EYA4: variants seen among roughly 807,000 people sequenced by gnomAD.
EYA4 encodes the protein EYA transcriptional coactivator and phosphatase 4.
EYA4 carries 31 observed loss-of-function variants against 87.9 expected under a neutral mutation model. The ratio of observed to expected loss-of-function variants is 0.35; its 90% CI spans 0.27 to 0.48. The LOEUF is 0.48. Among genes scored for constraint, EYA4 ranks in the 20% least tolerant of loss-of-function variants. EYA4 has a pLI of 0.99. For synonymous variants in EYA4, 263 were observed against 270.6 expected (o/e 0.97, Z 0.28); for missense variants, 678 against 761.4 (o/e 0.89, Z 1.29).
intron 2 of EYA4, among the ~76,000 whole-genome samples, chr6:133,285,753 C>T (rs988522858): frequency 1.3e-5 from 2 of 152,084 alleles, no homozygotes; most frequent in African/African-American, 4.8e-5. Flanking sequence ...TAAGTCGTTG[C>T]ATTGGGGTTA....
intron 3 of EYA4, among the ~76,000 whole-genome samples, chr6:133,444,369 G>T (rs891859767): frequency 6.6e-6 from 1 of 151,922 alleles, no homozygotes; most frequent in Non-Finnish European, 1.5e-5. Context: ...AATTATCTGC[G>T]TGGTATATCA....
At chr6:133,303,783 A>G (rs1442494243) in intron 2 of EYA4, among the ~76,000 whole-genome samples, 1 of 152,196 alleles carries the variant, frequency 6.6e-6, no homozygotes, top group African/African-American at 2.4e-5. Context: ...CACTTGATTC[A>G]TGCCATCTTT....
chr6:133,530,167 C>T lies in EYA4; in HGVS notation c.*1362C>T, dbSNP rs1324654597. On this transcript the variant is annotated 3_prime_UTR_variant, in exon 20 of 20. Transcript: ENST00000355286. ...TAGCAAGTGCGCTGGATCTTGGCAG[C>T]GCTGCTGAAATGACAACAGTAAAAT... 31 of 985,134 alleles carry T rather than the reference C, an allele frequency of 3.1e-5. No homozygotes were observed. The highest frequency in any genetic ancestry group is 1.2e-4 in the Admixed American group (2 of 16,266). 61.0% of individuals were successfully genotyped at this position (985,134 alleles called of 1,614,324 possible).
chr6:133,308,247 T>C (rs1206731704), intron 2 of EYA4, among the ~76,000 whole-genome samples: 3 of 152,210 alleles, frequency 2.0e-5, no homozygotes, highest in African/African-American at 4.8e-5. Context: ...TTAACTTTCA[T>C]GGCAATGCAG....
intron 11 of EYA4, among the ~76,000 whole-genome samples, chr6:133,469,624 G>T (rs969824061): frequency 1.3e-5 from 2 of 151,804 alleles, no homozygotes; most frequent in African/African-American, 4.8e-5. Context: ...AACAAATGGT[G>T]CTAGAACAAT....
At chr6:133,312,211 G>C (rs1248283581) in intron 2 of EYA4, among the ~76,000 whole-genome samples, 1 of 152,138 alleles carries the variant, frequency 6.6e-6, no homozygotes, top group Non-Finnish European at 1.5e-5. Context: ...AGGAGCATTG[G>C]CGGTTACCTG....
chr6:133,467,747 G>T (rs1794974990), intron 10 of EYA4, among the ~76,000 whole-genome samples: 2 of 151,638 alleles, frequency 1.3e-5, no homozygotes, highest in African/African-American at 4.8e-5. Flanking sequence ...GATGACCAAG[G>T]ATTTGTCATC....
Position 133,529,895 on chromosome 6 carries a change from T to A in EYA4, c.*1090T>A. ...AGACTTTTGATATGTGTAAGTTGCA[T>A]AGAGGAGGATATTATCATGCAAATC... is the stretch of plus-strand genomic sequence containing the variant. On this transcript the variant is annotated 3_prime_UTR_variant, in exon 20 of 20. Coordinates refer to ENST00000355286, the MANE Select transcript of EYA4 (RefSeq NM_004100.5). The A allele has an allele frequency of 1.0e-6, 1 of 985,332 alleles. No individual in the cohort carries two copies. The highest frequency in any genetic ancestry group is 4.7e-5 in the South Asian group (1 of 21,286). The allele number at this position is 985,332 out of a possible 1,614,324, so 61.0% of individuals were successfully genotyped here.
chr6:133,444,630 A>C (rs1384498753), intron 3 of EYA4, among the ~76,000 whole-genome samples: 1 of 152,122 alleles, frequency 6.6e-6, no homozygotes, highest in Non-Finnish European at 1.5e-5. Context: ...GGGAATAGTC[A>C]TTTTACCCCT....
At chr6:133,309,428 G>A (rs1780049534) in intron 2 of EYA4, among the ~76,000 whole-genome samples, 1 of 152,040 alleles carries the variant, frequency 6.6e-6, no homozygotes, top group Non-Finnish European at 1.5e-5. Context: ...AGGCAGTTAT[G>A]GCTTCTTATA....
At chr6:133,516,802 A>G (rs1799640428) in intron 17 of EYA4, among the ~76,000 whole-genome samples, 1 of 151,912 alleles carries the variant, frequency 6.6e-6, no homozygotes, top group African/African-American at 2.4e-5. Flanking sequence ...TTTGTTAAGG[A>G]TAATGGCCTC....
chr6:133,304,500 G>A (rs1417667842), intron 2 of EYA4, among the ~76,000 whole-genome samples: 1 of 152,180 alleles, frequency 6.6e-6, no homozygotes, highest in African/African-American at 2.4e-5. Context: ...TAACAGAGGT[G>A]GGTGAGACAA....
intron 1 of EYA4, among the ~76,000 whole-genome samples, chr6:133,263,260 C>T (rs994804600): frequency 6.6e-6 from 1 of 152,040 alleles, no homozygotes; most frequent in African/African-American, 2.4e-5. Flanking sequence ...AATTGAAGGC[C>T]GTGAAGATAG....
chr6:133,496,519 C>T (rs1226857440), intron 13 of EYA4, among the ~76,000 whole-genome samples: 1 of 152,136 alleles, frequency 6.6e-6, no homozygotes, highest in Non-Finnish European at 1.5e-5. Flanking sequence ...TTCTTGGTCA[C>T]CATGAAAGGT....
chr6:133,474,308 C>T (rs1795535881), intron 11 of EYA4, among the ~76,000 whole-genome samples: 1 of 152,002 alleles, frequency 6.6e-6, no homozygotes, highest in African/African-American at 2.4e-5. Flanking sequence ...GAAAGCTTCT[C>T]TGCAGGAAAA....
chr6:133,298,698 G>A lies in EYA4; in HGVS notation c.33+23885G>A, dbSNP rs187665252. On this transcript the variant is annotated intron_variant, in intron 2 of 19. Transcript: ENST00000355286. Reference sequence around the variant, plus strand: ...AAGCATAGTTGTGAGAAATAAGTGTGTGGATTTATATAAAGTGCTCACAGC... The same window carrying A: ...AAGCATAGTTGTGAGAAATAAGTGTATGGATTTATATAAAGTGCTCACAGC... 2.2e-3 allele frequency among the ~76,000 whole-genome samples: 335 copies of A among 152,302 alleles called. 1 individual carries two copies. The highest frequency in any genetic ancestry group is 3.3e-3 in the Non-Finnish European group (222 of 68,024).
At chr6:133,252,933 G>A (rs1582750624) in intron 1 of EYA4, among the ~76,000 whole-genome samples, 1 of 143,620 alleles carries the variant, frequency 7.0e-6, no homozygotes, top group East Asian at 2.1e-4. Context: ...CAGGGTAGAG[G>A]TACTTGAAAA....
At chr6:133,274,250 T>A (rs1419754893) in intron 1 of EYA4, among the ~76,000 whole-genome samples, 1 of 152,190 alleles carries the variant, frequency 6.6e-6, no homozygotes, top group Admixed American at 6.5e-5. Flanking sequence ...TGAAGAGTAA[T>A]TATTTTTCAG....
At chr6:133,373,341 A>T (rs1374947312) in intron 2 of EYA4, among the ~76,000 whole-genome samples, 2 of 152,062 alleles carry the variant, frequency 1.3e-5, no homozygotes, top group African/African-American at 4.8e-5. Context: ...CTTTAAAAAA[A>T]TTTATAAAGA....
Sources: allele counts gnomAD v4.1 joint callset (sites outside exome capture counted in the v4.1 genomes callset), GRCh38; gene constraint gnomAD v4.1.1; transcripts MANE v1.5; gene names NCBI Gene and HGNC (gene_info 2026-07-23, HGNC 2026-07-21).